Variants in SH2D1A observed in about 807,000 individuals in gnomAD.
SH2D1A encodes the protein SH2 domain-containing protein 1A.
Under a neutral mutation model 10.1 loss-of-function variants are expected in SH2D1A, and 6 were observed. The observed-to-expected ratio is 0.60, with a 90% CI of 0.33 to 1.18. The LOEUF (loss-of-function observed/expected upper bound fraction) is 1.18, where lower values mean the gene tolerates loss of function less well. Among genes scored for constraint, SH2D1A ranks in the 50% most tolerant of loss-of-function variants. The probability of loss-of-function intolerance (pLI) is 0.04; values close to 1 mark genes in which losing one functional copy is unlikely to be tolerated. For synonymous variants in SH2D1A, 42 were observed against 36.9 expected (o/e 1.14, Z -0.51); for missense variants, 51 against 97.6 (o/e 0.52, Z 2.01).
intron 1 of SH2D1A, among the ~76,000 whole-genome samples, chrX:124,362,207 G>A (rs1047984836): frequency 1.8e-5 from 2 of 112,133 alleles, no homozygotes; most frequent in African/African-American, 6.5e-5. Flanking sequence ...AAAGTGCACA[G>A]GCCTGGAGGG....
chrX:124,372,997 G>A lies in SH2D1A; in HGVS notation c.*1606G>A, dbSNP rs760982990. On this transcript the variant is annotated 3_prime_UTR_variant, in exon 4 of 4. Coordinates refer to ENST00000371139, the MANE Select transcript of SH2D1A (RefSeq NM_002351.5). ...GGCTTGAGTTTAAATTGTAATAGGC[G>A]TAACTAATTTTAACTCTATAATGTG... The A allele has an allele frequency of 3.4e-4, 52 of 154,837 alleles. No individual in the cohort carries two copies. Among genetic ancestry groups the A allele is most frequent in the African/African-American group, 1.4e-3 (45 of 32,759 alleles). The allele number at this position is 154,837 out of a possible 1,213,427, so 12.8% of individuals were successfully genotyped here. A position where few individuals can be genotyped will look rare whatever the true frequency, so the allele number is the denominator to read the frequency against.
Position 124,371,801 on chromosome X carries a change from GCTGGTGTCCCTTGT to G in SH2D1A, c.*413_*426del. 1 of 167,543 alleles carries G rather than the reference GCTGGTGTCCCTTGT, an allele frequency of 6.0e-6. No individual in the cohort carries two copies. Among genetic ancestry groups the G allele is most frequent in the Non-Finnish European group, 1.1e-5 (1 of 86,981 alleles). 13.8% of individuals were successfully genotyped at this position (167,543 alleles called of 1,213,427 possible). A position where few individuals can be genotyped will look rare whatever the true frequency, so the allele number is the denominator to read the frequency against. ...TGCTTGATTGTATGGTGGGAAGTTG[GCTGGTGTCCCTTGT>G]CTTTGCCAAGTTCTCCACTAGCTAT... On this transcript the variant is annotated 3_prime_UTR_variant, in exon 4 of 4. Transcript: ENST00000371139.
At chrX:124,365,683 A>G (rs2060052332) in intron 1 of SH2D1A, 78 bp from the exon 2 acceptor site, 5 of 655,110 alleles carry the variant, frequency 7.6e-6, no homozygotes, top group Non-Finnish European at 1.0e-5. Flanking sequence ...TGACATTTAT[A>G]TGTAATATTA....
chrX:124,362,277 G>A (rs1020689533), intron 1 of SH2D1A, among the ~76,000 whole-genome samples: 1 of 112,369 alleles, frequency 8.9e-6, no homozygotes, highest in Non-Finnish European at 1.9e-5. Flanking sequence ...AGCCACATAG[G>A]TGGGGCCATC....
intron 1 of SH2D1A, among the ~76,000 whole-genome samples, chrX:124,353,645 G>T (rs777315703): frequency 1.8e-5 from 2 of 111,150 alleles, no homozygotes; most frequent in Admixed American, 1.9e-4. Context: ...GATAAGACGA[G>T]AACTAATTTA....
chrX:124,368,125 A>G (rs2060060409), intron 2 of SH2D1A, among the ~76,000 whole-genome samples: 1 of 111,372 alleles, frequency 9.0e-6, no homozygotes, highest in South Asian at 3.8e-4. Flanking sequence ...GCTACATATC[A>G]GTACCCATAA....
rs2060071131 is a variant in SH2D1A, at chrX:124,372,210, T to C, written c.*819T>C. On this transcript the variant is annotated 3_prime_UTR_variant, in exon 4 of 4. Coordinates refer to ENST00000371139, the MANE Select transcript of SH2D1A (RefSeq NM_002351.5). ...ATTTGTAACAAGCCTCCTTTTAAAG[T>C]AACCCTACAAAACCACTGGAAAGTT... 6.1e-6 allele frequency: 1 copy of C among 164,738 alleles called. No homozygotes were observed. The highest frequency in any genetic ancestry group is 1.2e-5 in the Non-Finnish European group (1 of 85,801). 13.6% of individuals were successfully genotyped at this position (164,738 alleles called of 1,213,427 possible).
rs762001037 is a variant in SH2D1A, at chrX:124,371,087, C to A, written c.347-264C>A. ...TCAGGCATAAACTGACAATTAGACTCAAGTGGTGAATTAAATTAATGAATA... is the reference window on the plus strand; with the variant it reads ...TCAGGCATAAACTGACAATTAGACTAAAGTGGTGAATTAAATTAATGAATA... On this transcript the variant is annotated intron_variant, in intron 3 of 3. Transcript: ENST00000371139. Among the ~76,000 whole-genome samples the A allele has an allele frequency of 1.2e-3, 135 of 111,779 alleles. 1 individual carries two copies. In the East Asian group the frequency reaches 0.036, roughly 30 times the overall value.
At chrX:124,364,355 G>A in intron 1 of SH2D1A, 1 of 233,950 alleles carries the variant, frequency 4.3e-6, no homozygotes, top group East Asian at 1.4e-4. Flanking sequence ...AAAAGCTTAT[G>A]GAATAAGGAT....
intron 1 of SH2D1A, among the ~76,000 whole-genome samples, chrX:124,360,072 AT>A (rs1236263287): frequency 9.1e-6 from 1 of 110,315 alleles, no homozygotes; most frequent in African/African-American, 3.3e-5. Flanking sequence ...CGCTAGGCTA[AT>A]TTTTGTATTT....
intron 1 of SH2D1A, among the ~76,000 whole-genome samples, chrX:124,354,719 T>A (rs1301280274): frequency 8.9e-6 from 1 of 112,347 alleles, no homozygotes; most frequent in Non-Finnish European, 1.9e-5. Flanking sequence ...ACATGTAATA[T>A]GTGTTTTTTA....
At chrX:124,365,235 A>G (rs2060051173) in intron 1 of SH2D1A, among the ~76,000 whole-genome samples, 1 of 110,415 alleles carries the variant, frequency 9.1e-6, no homozygotes, top group Non-Finnish European at 1.9e-5. Flanking sequence ...TATACATTAT[A>G]ATAGTAATTT....
At position 124,371,416 on chromosome X, in the gene SH2D1A, T is replaced by C. The variant is rs2060068891; in HGVS notation, c.*25T>C. ...AAGAAAAATAAAACACCTTGTACTTTATTTTCTATAATTTAAATATATGCT... is the reference window on the plus strand; with the variant it reads ...AAGAAAAATAAAACACCTTGTACTTCATTTTCTATAATTTAAATATATGCT... On this transcript the variant is annotated 3_prime_UTR_variant, in exon 4 of 4. Coordinates refer to ENST00000371139, the MANE Select transcript of SH2D1A (RefSeq NM_002351.5). The C allele has an allele frequency of 2.9e-6, 3 of 1,018,608 alleles. No homozygotes were observed. The highest frequency in any genetic ancestry group is 2.8e-6 in the Non-Finnish European group (2 of 725,484). The allele number at this position is 1,018,608 out of a possible 1,213,427, so 83.9% of individuals were successfully genotyped here.
Position 124,364,487 on chromosome X carries a change from A to G in SH2D1A, c.138-1274A>G. The G allele has an allele frequency of 1.3e-5, 3 of 235,542 alleles. No homozygotes were observed. The South Asian group carries it at 1.3e-4, about 10-fold the overall frequency. 19.4% of individuals were successfully genotyped at this position (235,542 alleles called of 1,213,427 possible). A position where few individuals can be genotyped will look rare whatever the true frequency, so the allele number is the denominator to read the frequency against. ...ATAAAGTAAAAGAGTTGAAGCTAAGATTAATTTATTATTGAAGCGATACAG... is the reference window on the plus strand; with the variant it reads ...ATAAAGTAAAAGAGTTGAAGCTAAGGTTAATTTATTATTGAAGCGATACAG... On this transcript the variant is annotated intron_variant, in intron 1 of 3. Coordinates refer to ENST00000371139, the MANE Select transcript of SH2D1A (RefSeq NM_002351.5).
intron 1 of SH2D1A, chrX:124,353,170 A>G: frequency 6.3e-6 from 1 of 159,498 alleles, no homozygotes. Flanking sequence ...TTGGGGTTAC[A>G]TTAAATTTAT....
intron 1 of SH2D1A, among the ~76,000 whole-genome samples, chrX:124,351,483 A>C (rs1337013866): frequency 1.8e-5 from 2 of 110,842 alleles, no homozygotes; most frequent in Non-Finnish European, 3.8e-5. Context: ...TATATACATG[A>C]TCATGAGATA....
intron 1 of SH2D1A, among the ~76,000 whole-genome samples, chrX:124,364,164 C>A (rs2060048048): frequency 1.8e-5 from 2 of 110,318 alleles, no homozygotes; most frequent in South Asian, 7.8e-4. Flanking sequence ...GATGACAGCT[C>A]CGTGTGTGTG....
chrX:124,364,425 T>TAA (rs1569527547), intron 1 of SH2D1A: 1 of 282,514 alleles, frequency 3.5e-6, no homozygotes, highest in Non-Finnish European at 6.7e-6. Context: ...CGAAGTGTTA[T>TAA]AAAAGAGTCA....
rs1569527533 is a variant in SH2D1A at position 124,363,916 on chromosome X, AGAAAG to A, written c.138-1844_138-1840del. Among the ~76,000 whole-genome samples, 6 of 85,000 alleles carry A rather than the reference AGAAAG, an allele frequency of 7.1e-5. No homozygotes were observed. In the East Asian group the frequency reaches 1.0e-3, roughly 15 times the overall value. 73.8% of individuals were successfully genotyped at this position (85,000 alleles called of 115,157 possible). On this transcript the variant is annotated intron_variant, in intron 1 of 3. Coordinates refer to ENST00000371139, the MANE Select transcript of SH2D1A (RefSeq NM_002351.5). ...AAAAAAAAAAAAAAAAAAAAAAAAA[AGAAAG>A]AAAAAGAAAAAGAAAAAAATGTATA...
Sources: gnomAD v4.1 joint callset for allele counts (sites outside exome capture counted in the v4.1 genomes callset) on GRCh38, gnomAD v4.1.1 for gene constraint, MANE v1.5 for transcripts, NCBI Gene and HGNC (gene_info 2026-07-23, HGNC 2026-07-21) for gene names.